Variants in MALRD1 observed in about 807,000 individuals in gnomAD.
MALRD1 encodes the protein MAM and LDL-receptor class A domain-containing protein 1.
In MALRD1, 247 loss-of-function variants were observed where a neutral mutation model predicts 242.1. That is an observed-to-expected ratio of 1.02 (90% CI 0.92 to 1.13). The LOEUF (loss-of-function observed/expected upper bound fraction) is 1.13. Among genes scored for constraint, MALRD1 ranks in the 50% most tolerant of loss-of-function variants. The pLI, the probability that MALRD1 is intolerant of heterozygous loss-of-function variation, is 0.00. For missense variants in MALRD1, 2,989 were observed against 2,533.1 expected, an observed-to-expected ratio of 1.18 and a Z score of -3.86; for synonymous variants, 995 against 866.6, an observed-to-expected ratio of 1.15 and a Z score of -2.60.
chr10:19,566,430 C>A (rs1044672943), intron 32 of MALRD1, among the ~76,000 whole-genome samples: 1 of 151,224 alleles, frequency 6.6e-6, no homozygotes, highest in East Asian at 1.9e-4. Flanking sequence ...TGAGCCACCA[C>A]GCCAGGCCAT....
At position 19,607,860 on chromosome 10, in the gene MALRD1, G is replaced by A; in HGVS notation, c.6028G>A (p.Ala2010Thr). 1 of 1,549,624 alleles carries A rather than the reference G, an allele frequency of 6.5e-7. No homozygotes were observed. The highest frequency in any genetic ancestry group is 8.7e-7 in the Non-Finnish European group (1 of 1,146,490). The change falls in exon 35 of 40, where the codon GCC becomes ACC. Residue 2010 changes from alanine (A) to threonine (T), a missense_variant. Coordinates refer to ENST00000454679, the MANE Select transcript of MALRD1 (RefSeq NM_001142308.3). ...IPAHQRCDGFADCMDFQLDES... is the reference protein window; with the variant it reads ...IPAHQRCDGFTDCMDFQLDES... ...AGCCCACCAGCGCTGTGATGGTTTT[G>A]CCGACTGCATGGATTTCCAGCTTGA...
intron 28 of MALRD1, among the ~76,000 whole-genome samples, chr10:19,438,323 T>C (rs1265636849): frequency 6.6e-6 from 1 of 152,158 alleles, no homozygotes; most frequent in Non-Finnish European, 1.5e-5. Context: ...TGTGTCAGAA[T>C]TGGCTTTTTA....
At chr10:19,295,121 C>T (rs973435716) in intron 21 of MALRD1, among the ~76,000 whole-genome samples, 3 of 151,948 alleles carry the variant, frequency 2.0e-5, no homozygotes, top group Non-Finnish European at 4.4e-5. Flanking sequence ...CTTCGTTGAA[C>T]AATGTATAGC....
chr10:19,464,439 T>G (rs944037350), intron 29 of MALRD1, among the ~76,000 whole-genome samples: 1 of 152,222 alleles, frequency 6.6e-6, no homozygotes, highest in Non-Finnish European at 1.5e-5. Flanking sequence ...GCTTGCCAAT[T>G]ATCCCAGCAC....
In MALRD1 at chr10:19,688,453, G is replaced by GTC. The variant is rs201367202; in HGVS notation, c.6138-3824_6138-3823dup. ...AATTTTTAGAATTTTTGTAAAGAAG[G>GTC]TCTCTCCCTGTTGCCCAGACTGATC... is the stretch of plus-strand genomic sequence containing the variant. On this transcript the variant is annotated intron_variant, in intron 36 of 39. Coordinates refer to ENST00000454679, the MANE Select transcript of MALRD1 (RefSeq NM_001142308.3). Among the ~76,000 whole-genome samples the GTC allele has an allele frequency of 8.5e-3, 1,297 of 151,730 alleles. 18 individuals carry two copies. The highest frequency in any genetic ancestry group is 0.029 in the African/African-American group (1,182 of 41,306).
intron 33 of MALRD1, among the ~76,000 whole-genome samples, chr10:19,589,291 A>C (rs1365385470): frequency 2.7e-5 from 1 of 36,818 alleles, no homozygotes; most frequent in Non-Finnish European, 6.7e-5. Flanking sequence ...AAGTATGTCT[A>C]TATATATATA....
chr10:19,562,297 GTAGATAGATAGA>G (rs78473002), intron 32 of MALRD1, among the ~76,000 whole-genome samples: 2,362 of 144,736 alleles, frequency 0.016, 23 homozygotes, highest in East Asian at 0.026. Flanking sequence ...GCTGTCTTAG[GTAGATAGATAGA>G]TAGATAGATA....
chr10:19,498,761 T>C lies in MALRD1; in HGVS notation c.5320+115T>C, dbSNP rs1837836972. ...ATGTGTATGTGGGGACAGAGCTCAG[T>C]AGGTTTTATGGAAAGAGGGCTAGTC... On this transcript the variant is annotated intron_variant, in intron 31 of 39. Coordinates refer to ENST00000454679, the MANE Select transcript of MALRD1 (RefSeq NM_001142308.3). The C allele has an allele frequency of 3.0e-5, 38 of 1,249,566 alleles. No homozygotes were observed. In the South Asian group the frequency reaches 5.8e-4, roughly 19 times the overall value. 77.4% of individuals were successfully genotyped at this position (1,249,566 alleles called of 1,614,324 possible).
intron 12 of MALRD1, among the ~76,000 whole-genome samples, chr10:19,156,431 A>G (rs1012276824): frequency 6.7e-6 from 1 of 150,308 alleles, no homozygotes; most frequent in Non-Finnish European, 1.5e-5. Flanking sequence ...CCTATAAGAT[A>G]GACAGAAAAA....
At chr10:19,451,761 C>G (rs983283086) in intron 29 of MALRD1, among the ~76,000 whole-genome samples, 1 of 152,182 alleles carries the variant, frequency 6.6e-6, no homozygotes, top group East Asian at 1.9e-4. Context: ...AAAGATTCTA[C>G]TTAGAAATAC....
At chr10:19,621,033 T>C (rs941305358) in intron 36 of MALRD1, among the ~76,000 whole-genome samples, 3 of 151,622 alleles carry the variant, frequency 2.0e-5, no homozygotes, top group African/African-American at 7.3e-5. Flanking sequence ...GTAATTCCAT[T>C]TTACTACAAT....
chr10:19,589,823 G>A (rs1308107219), intron 33 of MALRD1, among the ~76,000 whole-genome samples: 1 of 152,146 alleles, frequency 6.6e-6, no homozygotes, highest in African/African-American at 2.4e-5. Flanking sequence ...ATATGCGAAT[G>A]ACACTATCAA....
chr10:19,277,031 C>T (rs1840563802), intron 19 of MALRD1, among the ~76,000 whole-genome samples: 1 of 151,998 alleles, frequency 6.6e-6, no homozygotes. Context: ...GTGATTTTCC[C>T]ACCTTAGCCT....
intron 33 of MALRD1, among the ~76,000 whole-genome samples, chr10:19,582,007 G>A (rs2131510628): frequency 6.6e-6 from 1 of 152,264 alleles, no homozygotes; most frequent in Admixed American, 6.5e-5. Context: ...TTTTTTGGCT[G>A]CATAAATGCC....
intron 36 of MALRD1, among the ~76,000 whole-genome samples, chr10:19,648,794 G>C (rs1422375325): frequency 6.6e-6 from 1 of 152,062 alleles, no homozygotes; most frequent in African/African-American, 2.4e-5. Flanking sequence ...TGTTATATAG[G>C]TAAATGTGTG....
At chr10:19,084,887 T>G (rs569235225) in intron 2 of MALRD1, among the ~76,000 whole-genome samples, 1 of 152,176 alleles carries the variant, frequency 6.6e-6, no homozygotes, top group African/African-American at 2.4e-5. Flanking sequence ...AATAATTAAC[T>G]ATTTGTCACA....
intron 8 of MALRD1, among the ~76,000 whole-genome samples, chr10:19,132,536 T>G (rs1374174700): frequency 6.6e-6 from 1 of 152,208 alleles, no homozygotes; most frequent in Non-Finnish European, 1.5e-5. Context: ...GAAAGTAGAT[T>G]CATTTTTAGA....
intron 18 of MALRD1, among the ~76,000 whole-genome samples, chr10:19,214,946 A>G (rs1033641200): frequency 1.3e-5 from 2 of 152,278 alleles, no homozygotes; most frequent in East Asian, 3.9e-4. Flanking sequence ...AACTTATTCA[A>G]AACACTCTCA....
In MALRD1 at chr10:19,702,314, T is replaced by G. The variant is rs1833664433; in HGVS notation, c.6314+9760T>G. ...CCTACTCTTGGGAAAAGTCTCACTATTCCCAAAAAGCATATGACTATTCAT... is the reference window on the plus strand; with the variant it reads ...CCTACTCTTGGGAAAAGTCTCACTAGTCCCAAAAAGCATATGACTATTCAT... On this transcript the variant is annotated intron_variant, in intron 38 of 39. Coordinates refer to ENST00000454679, the MANE Select transcript of MALRD1 (RefSeq NM_001142308.3). 3.3e-5 allele frequency among the ~76,000 whole-genome samples: 5 copies of G among 152,198 alleles called. No homozygotes were observed. In the South Asian group the frequency reaches 1.0e-3, roughly 32 times the overall value.
Sources: gnomAD v4.1 joint callset for allele counts (sites outside exome capture counted in the v4.1 genomes callset) on GRCh38, gnomAD v4.1.1 for gene constraint, MANE v1.5 for transcripts, NCBI Gene and HGNC (gene_info 2026-07-23, HGNC 2026-07-21) for gene names.